EFCAB7: variants seen among roughly 807,000 people sequenced by gnomAD.
EFCAB7 encodes EF-hand calcium binding domain 7.
Under a neutral mutation model 77.1 loss-of-function variants are expected in EFCAB7, and 66 were observed. The ratio of observed to expected loss-of-function variants is 0.86; its 90% CI spans 0.70 to 1.05. EFCAB7 has a LOEUF of 1.05. Among genes scored for constraint, EFCAB7 ranks in the 50% least tolerant of loss-of-function variants. The pLI is 0.00. For synonymous variants in EFCAB7, 225 were observed against 243.3 expected (o/e 0.92, Z 0.70); for missense variants, 638 against 730.5 (o/e 0.87, Z 1.46).
intron 2 of EFCAB7, among the ~76,000 whole-genome samples, chr1:63,530,970 G>A (rs767195141): frequency 7.9e-5 from 12 of 152,002 alleles, no homozygotes; most frequent in Non-Finnish European, 1.6e-4. Flanking sequence ...TAGTATATCC[G>A]TCGCTGCATG....
At chr1:63,559,437 A>G (rs925393325) in intron 10 of EFCAB7, among the ~76,000 whole-genome samples, 2 of 151,922 alleles carry the variant, frequency 1.3e-5, no homozygotes, top group African/African-American at 4.8e-5. Context: ...ATACATAATC[A>G]TTAACTAAAG....
At chr1:63,571,456 C>G (rs1372564581) in intron 13 of EFCAB7, among the ~76,000 whole-genome samples, 1 of 151,660 alleles carries the variant, frequency 6.6e-6, no homozygotes, top group Non-Finnish European at 1.5e-5. Context: ...GGTGGATCAC[C>G]TGAGGTCAGG....
At chr1:63,569,908 C>T (rs1274458304) in intron 12 of EFCAB7, 1 of 152,170 alleles carries the variant, frequency 6.6e-6, no homozygotes, top group African/African-American at 2.4e-5. Context: ...AAGGGAGTTA[C>T]TACGTTACCC....
At chr1:63,553,730 G>A (rs564680662) in intron 8 of EFCAB7, among the ~76,000 whole-genome samples, 2 of 152,318 alleles carry the variant, frequency 1.3e-5, no homozygotes, top group South Asian at 4.1e-4. Flanking sequence ...TGATTTCTCT[G>A]AGTTGCCAGG....
At chr1:63,574,116 T>C (rs886416409), downstream of EFCAB7, among the ~76,000 whole-genome samples, 1 of 152,102 alleles carries the variant, frequency 6.6e-6, no homozygotes, top group African/African-American at 2.4e-5. Context: ...ACTGGAGGCA[T>C]GTGAGTAAAG....
chr1:63,538,673 A>T (rs886073947), intron 6 of EFCAB7, among the ~76,000 whole-genome samples: 1 of 152,076 alleles, frequency 6.6e-6, no homozygotes, highest in Non-Finnish European at 1.5e-5. Flanking sequence ...GGTGGTCTTG[A>T]ACTCCTGACC....
chr1:63,525,689 TAGAG>T lies in EFCAB7; in HGVS notation c.118_121del (p.Arg40LeufsTer4). ...AAGAGGAAATATTTTATATGAATTG[TAGAG>T]CTGCCTACTTAACTGTCTTCAAAAG... On this transcript the variant is annotated frameshift_variant, in exon 2 of 14. Coordinates refer to ENST00000371088, the MANE Select transcript of EFCAB7 (RefSeq NM_032437.4). LOFTEE classifies it high-confidence loss of function. 6.2e-7 allele frequency: 1 copy of T among 1,600,344 alleles called. No homozygotes were observed. The highest frequency in any genetic ancestry group is 8.5e-7 in the Non-Finnish European group (1 of 1,177,086).
chr1:63,560,114 G>A (rs974588108), intron 10 of EFCAB7, among the ~76,000 whole-genome samples: 5 of 151,848 alleles, frequency 3.3e-5, no homozygotes, highest in South Asian at 4.1e-4. Flanking sequence ...CACCACGCCC[G>A]GCTAATTTTT....
At chr1:63,559,147 C>T (rs1223763749) in intron 10 of EFCAB7, among the ~76,000 whole-genome samples, 1 of 151,220 alleles carries the variant, frequency 6.6e-6, no homozygotes, top group Non-Finnish European at 1.5e-5. Flanking sequence ...ACTAAAAATA[C>T]AAAAATTATC....
Position 63,555,516 on chromosome 1 carries a change from G to T in EFCAB7, c.1214+1G>T, listed in dbSNP as rs201781060. 1 of 1,610,244 alleles carries T rather than the reference G, an allele frequency of 6.2e-7. No individual in the cohort carries two copies. The highest frequency in any genetic ancestry group is 1.7e-5 in the Admixed American group (1 of 59,518). On this transcript the variant is annotated splice_donor_variant, in intron 9 of 13. Coordinates refer to ENST00000371088, the MANE Select transcript of EFCAB7 (RefSeq NM_032437.4). LOFTEE classifies it high-confidence loss of function. ...AATTATTCCTTACAAAGGAATTTAA[G>T]TAAGTTTTGTTTATTAATGTTAGAA... is the stretch of plus-strand genomic sequence containing the variant.
chr1:63,551,645 A>G (rs1646965984), intron 7 of EFCAB7, 80 bp from the exon 8 acceptor site: 1 of 571,442 alleles, frequency 1.7e-6, no homozygotes, highest in Non-Finnish European at 2.7e-6. Flanking sequence ...AGAAGAAACT[A>G]GTAACTTATT....
rs890840373 is a variant in EFCAB7, at chr1:63,566,501, TA to T, written c.1498-1800del. On this transcript the variant is annotated intron_variant, in intron 11 of 13. Transcript: ENST00000371088. ...ACATGTACCCCTGAACTTAAAAGTG[TA>T]AAAAAAAAGAAAAAAAATTAGAGAA... Among the ~76,000 whole-genome samples, 7 of 150,874 alleles carry T rather than the reference TA, an allele frequency of 4.6e-5. No individual in the cohort carries two copies. The South Asian group carries it at 8.4e-4, about 18-fold the overall frequency.
intron 2 of EFCAB7, among the ~76,000 whole-genome samples, chr1:63,531,264 AC>A (rs1557670155): frequency 6.6e-6 from 1 of 151,996 alleles, no homozygotes; most frequent in Non-Finnish European, 1.5e-5. Flanking sequence ...AAGATTCCAC[AC>A]AAGTGAGATA....
At chr1:63,566,647 T>A (rs1189475976) in intron 11 of EFCAB7, among the ~76,000 whole-genome samples, 2 of 152,008 alleles carry the variant, frequency 1.3e-5, no homozygotes, top group Non-Finnish European at 2.9e-5. Flanking sequence ...ATTACCAGAA[T>A]TTACCAGTAC....
At chr1:63,538,875 A>G (rs1257877554) in intron 6 of EFCAB7, among the ~76,000 whole-genome samples, 3 of 152,204 alleles carry the variant, frequency 2.0e-5, no homozygotes, top group Non-Finnish European at 2.9e-5. Flanking sequence ...TTAGAATTCA[A>G]ATTGATCTGT....
chr1:63,583,032 A>G, the EFCAB7 span, among the ~76,000 whole-genome samples: 1 of 152,142 alleles, frequency 6.6e-6, no homozygotes, highest in Non-Finnish European at 1.5e-5. Context: ...TCTGCCAGCA[A>G]AGAAGGATCA....
chr1:63,575,194 A>T (rs533008041), downstream of EFCAB7, among the ~76,000 whole-genome samples: 55 of 152,244 alleles, frequency 3.6e-4, no homozygotes, highest in African/African-American at 1.2e-3. Context: ...TTTTAAAACA[A>T]ATTTAAAGTT....
intron 10 of EFCAB7, among the ~76,000 whole-genome samples, chr1:63,559,474 T>TTTTG (rs1039013883): frequency 3.3e-5 from 5 of 152,062 alleles, no homozygotes; most frequent in African/African-American, 7.2e-5. Flanking sequence ...GGTTCAGTCT[T>TTTTG]TTTGTTTGTT....
At chr1:63,537,150 C>A (rs549711295) in intron 6 of EFCAB7, among the ~76,000 whole-genome samples, 28 of 152,254 alleles carry the variant, frequency 1.8e-4, no homozygotes, top group South Asian at 6.2e-4. Context: ...CATTATTATT[C>A]TTTTTAAAAT....
Sources: gnomAD v4.1 joint callset for allele counts (sites outside exome capture counted in the v4.1 genomes callset) on GRCh38, gnomAD v4.1.1 for gene constraint, MANE v1.5 for transcripts, NCBI Gene and HGNC (gene_info 2026-07-23, HGNC 2026-07-21) for gene names.